CNP: variants seen among roughly 807,000 people sequenced by gnomAD.
CNP encodes the protein 2',3'-cyclic nucleotide 3' phosphodiesterase.
Under a neutral mutation model 37.9 loss-of-function variants are expected in CNP, and 8 were observed. The ratio of observed to expected loss-of-function variants is 0.21; its 90% CI spans 0.12 to 0.38. CNP has a LOEUF of 0.38. Ranked by LOEUF, CNP falls within the 10% of genes least tolerant of loss-of-function variation. CNP has a pLI of 1.00. For synonymous variants in CNP, 237 were observed against 238.3 expected (o/e 0.99, Z 0.05); for missense variants, 457 against 551.0 (o/e 0.83, Z 1.71).
Position 41,976,891 on chromosome 17 carries a change from G to A in CNP, c.*2967G>A. 1 of 1,285,850 alleles carries A rather than the reference G, an allele frequency of 7.8e-7. No homozygotes were observed. The allele number at this position is 1,285,850 out of a possible 1,614,324, so 79.7% of individuals were successfully genotyped here. ...ACTCAAACACAGAGAGAAACTCTATGGGTATCAAACAGCTCAGGCTGTTTT... is the reference window on the plus strand; with the variant it reads ...ACTCAAACACAGAGAGAAACTCTATAGGTATCAAACAGCTCAGGCTGTTTT... On this transcript the variant is annotated 3_prime_UTR_variant, in exon 4 of 4. Transcript: ENST00000393892.
intron 2 of CNP, among the ~76,000 whole-genome samples, chr17:41,970,047 G>A (rs2050962587): frequency 6.6e-6 from 1 of 152,140 alleles, no homozygotes; most frequent in Non-Finnish European, 1.5e-5. Context: ...AGCAAGCCCT[G>A]TACCTGTGAG....
In CNP at chr17:41,966,901, CG is replaced by C; in HGVS notation, c.3+18del. Reference sequence around the variant, plus strand: ...CTCCTCATCATGGTGAGAGGCCGGGCGGGGCCGGGCACGGGGTAGCACCAGG... The same window carrying C: ...CTCCTCATCATGGTGAGAGGCCGGGCGGGCCGGGCACGGGGTAGCACCAGG... On this transcript the variant is annotated intron_variant, in intron 1 of 3. Coordinates refer to ENST00000393892, the MANE Select transcript of CNP (RefSeq NM_033133.5). The C allele has an allele frequency of 7.5e-7, 1 of 1,340,464 alleles. No homozygotes were observed. Among genetic ancestry groups the C allele is most frequent in the Non-Finnish European group, 9.6e-7 (1 of 1,047,098 alleles). The allele number at this position is 1,340,464 out of a possible 1,614,324, so 83.0% of individuals were successfully genotyped here.
intron 2 of CNP, chr17:41,970,652 A>C (rs2050973298): frequency 6.6e-6 from 1 of 152,156 alleles, no homozygotes; most frequent in Non-Finnish European, 1.5e-5. Flanking sequence ...AATTGCCGGG[A>C]TTACAGGTGC....
rs1378512663 is a variant in CNP at position 41,971,903 on chromosome 17, G to C, written c.688G>C (p.Asp230His). ...TTTTCTCCCGGCAGTCGTCCCTGGG[G>C]ATGAGCCCAGGGAGAAGATGGACTT... ...KKELRQFVPG[D>H]EPREKMDLVT... is the part of the protein sequence containing the mutation. The change falls in exon 3 of 4, where the codon GAT becomes CAT. Residue 230 changes from aspartate (D) to histidine (H), a missense_variant. This residue lies in a region of CNP where 291 missense variants were observed against 291.7 expected (regional missense o/e 1.00). Transcript: ENST00000393892. 1 of 1,613,708 alleles carries C rather than the reference G, an allele frequency of 6.2e-7. No homozygotes were observed. The highest frequency in any genetic ancestry group is 8.5e-7 in the Non-Finnish European group (1 of 1,179,920).
At chr17:41,967,504 A>T (rs932592890) in intron 1 of CNP, 2 of 219,126 alleles carry the variant, frequency 9.1e-6, no homozygotes, top group Non-Finnish European at 1.6e-5. Flanking sequence ...GTAGAGGAGG[A>T]GGTGGCAGGC....
rs1251607594 is a variant in CNP, at chr17:41,968,975, T to C, written c.676+235T>C. ...CCTTTCCTCCCACCACACCTATCCT[T>C]CTAGCCCTCTTCTCTCCGACACCCT... is the stretch of plus-strand genomic sequence containing the variant. On this transcript the variant is annotated intron_variant, in intron 2 of 3. Coordinates refer to ENST00000393892, the MANE Select transcript of CNP (RefSeq NM_033133.5). This position sits in a 1 kb window ranked among gnomAD's most constrained non-coding sequence, Gnocchi z 4.8. Among the ~76,000 whole-genome samples, 1 of 152,104 alleles carries C rather than the reference T, an allele frequency of 6.6e-6. No homozygotes were observed. Among genetic ancestry groups the C allele is most frequent in the Non-Finnish European group, 1.5e-5 (1 of 68,014 alleles).
intron 1 of CNP, chr17:41,967,758 G>A: frequency 8.8e-7 from 1 of 1,140,378 alleles, no homozygotes; most frequent in Non-Finnish European, 1.1e-6. Flanking sequence ...TCCTTAGTAG[G>A]TGCCAAGCAT....
chr17:41,977,587 A>AGCACT lies in CNP; in HGVS notation c.*3663_*3664insGCACT. On this transcript the variant is annotated 3_prime_UTR_variant, in exon 4 of 4. Coordinates refer to ENST00000393892, the MANE Select transcript of CNP (RefSeq NM_033133.5). The stretch of plus-strand genomic sequence containing the variant: ...AGCTTTCTCTGCTTCAGCTTGCTTC[A>AGCACT]TTGGGCTGTTTTCTCAACAAATGGA... 2.9e-6 allele frequency: 1 copy of AGCACT among 343,186 alleles called. No individual in the cohort carries two copies. The highest frequency in any genetic ancestry group is 2.1e-5 in the African/African-American group (1 of 47,544). 21.3% of individuals were successfully genotyped at this position (343,186 alleles called of 1,614,324 possible).
In CNP at chr17:41,974,001, GAC is replaced by G. The variant is rs1378045551; in HGVS notation, c.*79_*80del. 1.0e-5 allele frequency: 11 copies of G among 1,062,126 alleles called. No individual in the cohort carries two copies. The highest frequency in any genetic ancestry group is 1.4e-5 in the Non-Finnish European group (11 of 811,878). The allele number at this position is 1,062,126 out of a possible 1,614,324, so 65.8% of individuals were successfully genotyped here. On this transcript the variant is annotated 3_prime_UTR_variant, in exon 4 of 4. Transcript: ENST00000393892. ...GCCCTCTGTTTGATCCTTGTTTTGTGACATTTTTTTTTTTTTTTTTTTTACTC... is the reference window on the plus strand; with the variant it reads ...GCCCTCTGTTTGATCCTTGTTTTGTGATTTTTTTTTTTTTTTTTTTTACTC...
chr17:41,967,960 C>T (rs2050927527), intron 1 of CNP, 108 bp from the exon 2 acceptor site: 1 of 1,518,410 alleles, frequency 6.6e-7, no homozygotes, highest in African/African-American at 1.4e-5. Flanking sequence ...GAAGGTCCAG[C>T]ACTGCCCCGC....
In CNP at chr17:41,968,463, G is replaced by A; in HGVS notation, c.399G>A (p.Gln133=). Residue 133 remains glutamine, a synonymous_variant, in exon 2 of 4, where the codon CAG becomes CAA. Coordinates refer to ENST00000393892, the MANE Select transcript of CNP (RefSeq NM_033133.5). The surrounding 1 kb of genome is among the most constrained non-coding windows in gnomAD (Gnocchi z 4.8). ...ACCACGAACGGGAACGGCTGGAGCAGCTCTTTGAAATGGCCGACCAGTACC... is the reference window on the plus strand; with the variant it reads ...ACCACGAACGGGAACGGCTGGAGCAACTCTTTGAAATGGCCGACCAGTACC... ...DTNHERERLE[Q]LFEMADQYQY... is the part of the protein sequence containing the mutation. 6.2e-7 allele frequency: 1 copy of A among 1,614,136 alleles called. No individual in the cohort carries two copies. Among genetic ancestry groups the A allele is most frequent in the Non-Finnish European group, 8.5e-7 (1 of 1,180,038 alleles).
In CNP at chr17:41,976,922, G is replaced by T; in HGVS notation, c.*2998G>T. On this transcript the variant is annotated 3_prime_UTR_variant, in exon 4 of 4. Coordinates refer to ENST00000393892, the MANE Select transcript of CNP (RefSeq NM_033133.5). Reference sequence around the variant, plus strand: ...CAAACAGCTCAGGCTGTTTTTGGGTGCAAGAGGGAGCACGTGACTGTATTA... The same window carrying T: ...CAAACAGCTCAGGCTGTTTTTGGGTTCAAGAGGGAGCACGTGACTGTATTA... 1.1e-6 allele frequency: 1 copy of T among 870,606 alleles called. No homozygotes were observed. Among genetic ancestry groups the T allele is most frequent in the Non-Finnish European group, 1.7e-6 (1 of 573,760 alleles). The allele number at this position is 870,606 out of a possible 1,614,324, so 53.9% of individuals were successfully genotyped here.
Position 41,966,828 on chromosome 17 carries a change from G to T in CNP, c.-57G>T. On this transcript the variant is annotated 5_prime_UTR_variant, in exon 1 of 4. Transcript: ENST00000393892. ...ACTCCCGTGTCCCTCCGCGCAGGCG[G>T]GCGGCCCCGGAGCGCTGGTGCCGGC... 4 of 1,378,980 alleles carry T rather than the reference G, an allele frequency of 2.9e-6. No individual in the cohort carries two copies. Among genetic ancestry groups the T allele is most frequent in the Non-Finnish European group, 3.7e-6 (4 of 1,067,782 alleles). 85.4% of individuals were successfully genotyped at this position (1,378,980 alleles called of 1,614,324 possible).
Position 41,968,819 on chromosome 17 carries a change from A to G in CNP, c.676+79A>G, listed in dbSNP as rs1217193092. The G allele has an allele frequency of 6.9e-6, 10 of 1,441,224 alleles. No homozygotes were observed. The highest frequency in any genetic ancestry group is 1.4e-5 in the African/African-American group (1 of 69,790). The allele number at this position is 1,441,224 out of a possible 1,614,324, so 89.3% of individuals were successfully genotyped here. A position where few individuals can be genotyped will look rare whatever the true frequency, so the allele number is the denominator to read the frequency against. On this transcript the variant is annotated intron_variant, in intron 2 of 3. Coordinates refer to ENST00000393892, the MANE Select transcript of CNP (RefSeq NM_033133.5). The surrounding 1 kb of genome is among the most constrained non-coding windows in gnomAD (Gnocchi z 4.8). ...CGGGCAAAGGACCATCATTGTACTC[A>G]AAGGATGGAGCACGAAGCAGCAGGA...
intron 2 of CNP, chr17:41,970,249 A>T (rs1331064032): frequency 1.3e-5 from 2 of 151,880 alleles, no homozygotes; most frequent in East Asian, 3.9e-4. Context: ...GGCGCCTGCC[A>T]CCATGCCCGG....
chr17:41,969,839 AG>A (rs1555643538), intron 2 of CNP, among the ~76,000 whole-genome samples: 1 of 152,124 alleles, frequency 6.6e-6, no homozygotes, highest in Non-Finnish European at 1.5e-5. Context: ...TACAGGCGTG[AG>A]CCACCACCGC....
At chr17:41,967,572 T>C in intron 1 of CNP, 1 of 806,574 alleles carries the variant, frequency 1.2e-6, no homozygotes, top group East Asian at 1.2e-4. Flanking sequence ...CCAGCCCTTC[T>C]GTGGGACCAT....
rs2050919786 is a variant in CNP, at chr17:41,967,607, G to A, written c.4-461G>A. Reference sequence around the variant, plus strand: ...TTGTACCCGCATGCCAGACAAGAGAGTATTATCTGTTGCGGCCATTGTTGG... The same window carrying A: ...TTGTACCCGCATGCCAGACAAGAGAATATTATCTGTTGCGGCCATTGTTGG... On this transcript the variant is annotated intron_variant, in intron 1 of 3. Transcript: ENST00000393892. 3.1e-6 allele frequency: 3 copies of A among 971,110 alleles called. No homozygotes were observed. The South Asian group carries it at 1.3e-4, about 42-fold the overall frequency. The allele number at this position is 971,110 out of a possible 1,614,324, so 60.2% of individuals were successfully genotyped here. A position where few individuals can be genotyped will look rare whatever the true frequency, so the allele number is the denominator to read the frequency against.
rs560253550 is a variant in CNP at position 41,968,968 on chromosome 17, C to G, written c.676+228C>G. On this transcript the variant is annotated intron_variant, in intron 2 of 3. Transcript: ENST00000393892. This position sits in a 1 kb window ranked among gnomAD's most constrained non-coding sequence, Gnocchi z 4.8. Reference sequence around the variant, plus strand: ...CAGAGCGCCTTTCCTCCCACCACACCTATCCTTCTAGCCCTCTTCTCTCCG... The same window carrying G: ...CAGAGCGCCTTTCCTCCCACCACACGTATCCTTCTAGCCCTCTTCTCTCCG... 9.2e-5 allele frequency among the ~76,000 whole-genome samples: 14 copies of G among 152,290 alleles called. 1 individual carries two copies. Among genetic ancestry groups the G allele is most frequent in the African/African-American group, 3.4e-4 (14 of 41,562 alleles).
Sources: gnomAD v4.1 joint callset for allele counts (sites outside exome capture counted in the v4.1 genomes callset) on GRCh38, gnomAD v4.1.1 for gene constraint, gnomAD v4.1.1 regional missense constraint, Gnocchi (gnomAD v3.1) non-coding constraint, MANE v1.5 for transcripts, NCBI Gene and HGNC (gene_info 2026-07-23, HGNC 2026-07-21) for gene names.